The following PDZD2 variants were observed in gnomAD, a reference collection of about 807,000 sequenced individuals.
The protein encoded by PDZD2 is PDZ domain-containing protein 2.
A neutral mutation model predicts 220.7 loss-of-function variants in PDZD2; 90 were observed. That is an observed-to-expected ratio of 0.41 (90% CI 0.34 to 0.49). The LOEUF (loss-of-function observed/expected upper bound fraction) is 0.49. Ranked by LOEUF, PDZD2 falls within the 20% of genes least tolerant of loss-of-function variation. The probability of loss-of-function intolerance (pLI) is 0.28; values close to 1 mark genes in which losing one functional copy is unlikely to be tolerated. For missense variants in PDZD2, 3,174 were observed against 3,608.5 expected (o/e 0.88, Z 3.08); for synonymous variants, 1,375 against 1,450.5 (o/e 0.95, Z 1.18).
chr5:31,894,209 G>A (rs892459497), intron 2 of PDZD2, among the ~76,000 whole-genome samples: 2 of 151,760 alleles, frequency 1.3e-5, no homozygotes, highest in South Asian at 2.1e-4. Context: ...CACCGTGCTC[G>A]GCCAGCACAT....
intron 1 of PDZD2, among the ~76,000 whole-genome samples, chr5:31,763,907 A>C (rs960642847): frequency 2.6e-5 from 4 of 151,890 alleles, no homozygotes; most frequent in Non-Finnish European, 4.4e-5. Context: ...GTAGACCTTT[A>C]ATCTCTGAGA....
intron 2 of PDZD2, among the ~76,000 whole-genome samples, chr5:31,920,622 T>C (rs1744158457): frequency 6.6e-6 from 1 of 151,520 alleles, no homozygotes; most frequent in Non-Finnish European, 1.5e-5. Flanking sequence ...GCCTGGGAAA[T>C]ATAGTAAAAC....
chr5:31,964,401 A>G (rs925941978), intron 2 of PDZD2, among the ~76,000 whole-genome samples: 5 of 152,234 alleles, frequency 3.3e-5, no homozygotes, highest in Non-Finnish European at 5.9e-5. Flanking sequence ...ACAAAGGATA[A>G]TCTTGCACCA....
intron 1 of PDZD2, chr5:31,725,845 G>T: frequency 5.0e-6 from 4 of 797,428 alleles, no homozygotes; most frequent in Non-Finnish European, 9.0e-6. Flanking sequence ...TGCCGGAATG[G>T]CTTCTGCTAC....
chr5:31,712,826 G>A (rs996260299), intron 1 of PDZD2, among the ~76,000 whole-genome samples: 3 of 152,310 alleles, frequency 2.0e-5, no homozygotes, highest in East Asian at 3.9e-4. Flanking sequence ...GCCTGGGGTC[G>A]CGTTAAGGGC....
intron 5 of PDZD2, among the ~76,000 whole-genome samples, chr5:32,006,922 T>TG (rs1752863454): frequency 7.8e-6 from 1 of 128,186 alleles, no homozygotes; most frequent in Admixed American, 8.0e-5. Flanking sequence ...TTTTTTTTTT[T>TG]TTTTTTTTTT....
At position 32,090,553 on chromosome 5, in the gene PDZD2, A is replaced by G. The variant is rs551283654; in HGVS notation, c.7105A>G (p.Ile2369Val). The G allele has an allele frequency of 4.3e-6, 7 of 1,613,812 alleles. No homozygotes were observed. In the East Asian group the frequency reaches 1.3e-4, roughly 31 times the overall value. ...PFLSVSSKPP[I>V]GRRSSGSIVS... Reference sequence around the variant, plus strand: ...TTTGTCGGTGAGCTCCAAGCCTCCCATTGGGAGGCGGTCTTCCGGCAGCAT... The same window carrying G: ...TTTGTCGGTGAGCTCCAAGCCTCCCGTTGGGAGGCGGTCTTCCGGCAGCAT... Residue 2369 changes from isoleucine to valine, a missense_variant, in exon 20 of 25, where the codon ATT (isoleucine) becomes GTT (valine). By Grantham distance (29) the Ile-to-Val change is conservative (BLOSUM62 3). This residue lies in a region of PDZD2 where 631 missense variants were observed against 789.9 expected (regional missense o/e 0.80). Coordinates refer to ENST00000438447, the MANE Select transcript of PDZD2 (RefSeq NM_178140.4). This position sits in a 1 kb window ranked among gnomAD's most constrained non-coding sequence, Gnocchi z 4.3.
chr5:32,001,114 C>T (rs1752072455), intron 5 of PDZD2, among the ~76,000 whole-genome samples: 1 of 152,196 alleles, frequency 6.6e-6, no homozygotes, highest in Non-Finnish European at 1.5e-5. Flanking sequence ...TCCCTCTTGC[C>T]CCTACCATCC....
intron 1 of PDZD2, among the ~76,000 whole-genome samples, chr5:31,680,939 A>G (rs1042313097): frequency 2.4e-4 from 37 of 152,056 alleles, no homozygotes; most frequent in African/African-American, 7.5e-4. Flanking sequence ...CCCTCGGACA[A>G]TTGCTGACTG....
chr5:31,700,253 G>A (rs767148658), intron 1 of PDZD2, among the ~76,000 whole-genome samples: 4 of 152,146 alleles, frequency 2.6e-5, no homozygotes, highest in East Asian at 1.9e-4. Context: ...GCCTGATTTC[G>A]GGGCCAGGAG....
chr5:31,982,533 C>G (rs1275205615), intron 2 of PDZD2, among the ~76,000 whole-genome samples: 1 of 152,140 alleles, frequency 6.6e-6, no homozygotes, highest in Non-Finnish European at 1.5e-5. Flanking sequence ...GTCTCAAACC[C>G]CTGGACTCAA....
chr5:31,954,217 T>A (rs529967143), intron 2 of PDZD2, among the ~76,000 whole-genome samples: 1 of 152,312 alleles, frequency 6.6e-6, no homozygotes, highest in East Asian at 1.9e-4. Context: ...ATGAGTTTTG[T>A]TTTTTGTTTT....
intron 1 of PDZD2, among the ~76,000 whole-genome samples, chr5:31,724,560 C>T (rs59487864): frequency 0.19 from 27,505 of 144,570 alleles, 2,646 homozygotes; most frequent in African/African-American, 0.23. Context: ...CGAGATCGTG[C>T]CATTGCACTC....
At chr5:31,894,084 T>A (rs1445336987) in intron 2 of PDZD2, among the ~76,000 whole-genome samples, 1 of 78,474 alleles carries the variant, frequency 1.3e-5, no homozygotes, top group Non-Finnish European at 2.4e-5. Flanking sequence ...TTTTTTTTTT[T>A]GGATTTTTAT....
chr5:31,837,608 G>A (rs1025435098), intron 2 of PDZD2, among the ~76,000 whole-genome samples: 20 of 152,148 alleles, frequency 1.3e-4, no homozygotes, highest in African/African-American at 3.4e-4. Context: ...CCTGTAATCC[G>A]AGCTACTCGG....
intron 1 of PDZD2, among the ~76,000 whole-genome samples, chr5:31,720,095 C>A (rs1458939117): frequency 6.6e-6 from 1 of 152,224 alleles, no homozygotes; most frequent in Non-Finnish European, 1.5e-5. Context: ...CAGCTGTTGT[C>A]TCCTGAAGTT....
chr5:31,900,984 T>G (rs1742044211), intron 2 of PDZD2, among the ~76,000 whole-genome samples: 1 of 152,236 alleles, frequency 6.6e-6, no homozygotes, highest in Admixed American at 6.5e-5. Context: ...ACTTAATTTT[T>G]CTGGTTTTCT....
intron 1 of PDZD2, among the ~76,000 whole-genome samples, chr5:31,749,002 C>T (rs1314399813): frequency 3.3e-5 from 5 of 152,144 alleles, no homozygotes; most frequent in Non-Finnish European, 7.4e-5. Flanking sequence ...CCTTGGAGTT[C>T]TCCAGTCCCT....
chr5:31,739,201 T>C (rs1750099155), intron 1 of PDZD2, among the ~76,000 whole-genome samples: 1 of 152,206 alleles, frequency 6.6e-6, no homozygotes. Flanking sequence ...TGCACAATTT[T>C]AATGTAAGTG....
Sources: allele counts gnomAD v4.1 joint callset (sites outside exome capture counted in the v4.1 genomes callset), GRCh38; gene constraint gnomAD v4.1.1; regional missense constraint gnomAD v4.1.1; non-coding constraint Gnocchi (gnomAD v3.1); transcripts MANE v1.5; gene names NCBI Gene and HGNC (gene_info 2026-07-23, HGNC 2026-07-21).